The following FRYL variants were observed in gnomAD, a reference collection of about 807,000 sequenced individuals.
FRYL encodes the protein FRY like transcription coactivator, also known as protein furry homolog-like.
Under a neutral mutation model 351.2 loss-of-function variants are expected in FRYL, and 150 were observed. The ratio of observed to expected loss-of-function variants is 0.43; its 90% CI spans 0.37 to 0.49. FRYL has a LOEUF of 0.49. Among genes scored for constraint, FRYL ranks in the 20% least tolerant of loss-of-function variants. The pLI, the probability that FRYL is intolerant of heterozygous loss-of-function variation, is 0.00. For missense variants in FRYL, 3,036 were observed against 3,619.3 expected (o/e 0.84, Z 4.13); for synonymous variants, 1,153 against 1,257.1 (o/e 0.92, Z 1.75).
chr4:48,499,038 G>A lies in FRYL; in HGVS notation c.*384C>T, dbSNP rs1196264761. 1 of 193,794 alleles carries A rather than the reference G, an allele frequency of 5.2e-6. No homozygotes were observed. Among genetic ancestry groups the A allele is most frequent in the Admixed American group, 5.4e-5 (1 of 18,476 alleles). 12.0% of individuals were successfully genotyped at this position (193,794 alleles called of 1,614,324 possible). On this transcript the variant is annotated 3_prime_UTR_variant, in exon 64 of 64. Transcript: ENST00000358350. Reference sequence around the variant, plus strand: ...GCAGGTCTTCAGCTAAAATGAAACAGCCTTGATTTCAGCCTCATTTCACCT... The same window carrying A: ...GCAGGTCTTCAGCTAAAATGAAACAACCTTGATTTCAGCCTCATTTCACCT...
At chr4:48,586,865 A>T in intron 18 of FRYL, 137 bp from the exon 19 acceptor site, 1 of 574,644 alleles carries the variant, frequency 1.7e-6, no homozygotes, top group Non-Finnish European at 3.0e-6. Context: ...AATGCACATA[A>T]ATCCTGTAGA....
At chr4:48,683,536 A>G (rs1395700076) in intron 3 of FRYL, among the ~76,000 whole-genome samples, 1 of 152,174 alleles carries the variant, frequency 6.6e-6, no homozygotes, top group East Asian at 1.9e-4. Context: ...TTTAAAAAGC[A>G]TTCAAGATCC....
At position 48,501,641 on chromosome 4, in the gene FRYL, C is replaced by T. The variant is rs752139296; in HGVS notation, c.8574G>A (p.Thr2858=). 13 of 1,587,318 alleles carry T rather than the reference C, an allele frequency of 8.2e-6. No homozygotes were observed. Among genetic ancestry groups the T allele is most frequent in the East Asian group, 2.2e-5 (1 of 44,614 alleles). The change falls in exon 62 of 64, where the codon ACG becomes ACA. Residue 2858 remains threonine (T), a synonymous_variant. Coordinates refer to ENST00000358350, the MANE Select transcript of FRYL (RefSeq NM_015030.2). ...TATTTACCTCTGCTTCATTTTTTATCGTATTTACTTGGTTGATAAGTTTAC... is the reference window on the plus strand; with the variant it reads ...TATTTACCTCTGCTTCATTTTTTATTGTATTTACTTGGTTGATAAGTTTAC... ...AYCKLINQVN[T]IKNEAEVINM...
chr4:48,525,162 GGTATATAT>G (rs1725783025), intron 53 of FRYL, among the ~76,000 whole-genome samples: 1 of 118,456 alleles, frequency 8.4e-6, no homozygotes, highest in Non-Finnish European at 1.7e-5. Context: ...TATTTTTAAA[GGTATATAT>G]ATATATATAT....
chr4:48,627,558 T>C (rs888697828), intron 4 of FRYL, among the ~76,000 whole-genome samples: 2 of 151,696 alleles, frequency 1.3e-5, no homozygotes, highest in African/African-American at 4.8e-5. Context: ...AAAATGGGGG[T>C]GGGTTGTTTT....
intron 22 of FRYL, 60 bp from the exon 23 acceptor site, chr4:48,579,301 A>G (rs1740351147): frequency 7.2e-7 from 1 of 1,395,408 alleles, no homozygotes; most frequent in Admixed American, 2.2e-5. Context: ...ATTTTACCAT[A>G]TAAATTGCTT....
At chr4:48,667,297 G>T (rs912907375) in intron 3 of FRYL, among the ~76,000 whole-genome samples, 12 of 152,054 alleles carry the variant, frequency 7.9e-5, no homozygotes, top group African/African-American at 2.9e-4. Context: ...ACTAATAAAA[G>T]CAACCACTTC....
At chr4:48,556,478 C>T (rs896396941) in intron 35 of FRYL, among the ~76,000 whole-genome samples, 3 of 152,190 alleles carry the variant, frequency 2.0e-5, no homozygotes, top group African/African-American at 7.2e-5. Context: ...GACAATCCTA[C>T]GTGCACTGAG....
chr4:48,698,554 T>C (rs1159532479), intron 2 of FRYL, among the ~76,000 whole-genome samples: 1 of 152,158 alleles, frequency 6.6e-6, no homozygotes, highest in Non-Finnish European at 1.5e-5. Context: ...CTGGGTGAGA[T>C]TTACACTGAT....
At chr4:48,605,186 C>G (rs1312840296) in intron 11 of FRYL, among the ~76,000 whole-genome samples, 3 of 152,134 alleles carry the variant, frequency 2.0e-5, no homozygotes, top group African/African-American at 7.2e-5. Context: ...TGTGTGTCCC[C>G]ATTTTTAAAA....
At chr4:48,660,386 A>C (rs564752813) in intron 3 of FRYL, among the ~76,000 whole-genome samples, 5 of 152,286 alleles carry the variant, frequency 3.3e-5, no homozygotes, top group African/African-American at 1.2e-4. Flanking sequence ...AGATTTTGGG[A>C]GGGACCCACC....
chr4:48,680,191 C>T (rs1166994147), intron 3 of FRYL, among the ~76,000 whole-genome samples: 1 of 151,808 alleles, frequency 6.6e-6, no homozygotes, highest in African/African-American at 2.4e-5. Context: ...AGAGGGTTTA[C>T]AGAAACTCCC....
At chr4:48,537,539 ACT>A (rs1224531577) in intron 47 of FRYL, among the ~76,000 whole-genome samples, 1 of 152,180 alleles carries the variant, frequency 6.6e-6, no homozygotes, top group Non-Finnish European at 1.5e-5. Flanking sequence ...GCAGAAAATT[ACT>A]CTCTACAGTT....
At chr4:48,554,370 G>A (rs1279370596) in intron 35 of FRYL, among the ~76,000 whole-genome samples, 2 of 149,460 alleles carry the variant, frequency 1.3e-5, no homozygotes, top group African/African-American at 2.5e-5. Flanking sequence ...ACGGAGTCTC[G>A]CTCTGTCGCC....
intron 7 of FRYL, 113 bp downstream of exon 7, chr4:48,619,161 T>C (rs747534849): frequency 5.6e-6 from 4 of 717,170 alleles, no homozygotes; most frequent in Non-Finnish European, 9.6e-6. Context: ...ATTACAGGAA[T>C]TTAATTTATG....
intron 55 of FRYL, among the ~76,000 whole-genome samples, chr4:48,515,933 C>T (rs1229997134): frequency 6.6e-6 from 1 of 152,004 alleles, no homozygotes; most frequent in African/African-American, 2.4e-5. Context: ...GCTTTCATTA[C>T]AGTGGAACAC....
At chr4:48,680,705 T>C (rs1330536894) in intron 3 of FRYL, among the ~76,000 whole-genome samples, 2 of 152,106 alleles carry the variant, frequency 1.3e-5, no homozygotes, top group Non-Finnish European at 2.9e-5. Context: ...AACTATTAAG[T>C]GCATTATAGT....
intron 11 of FRYL, among the ~76,000 whole-genome samples, chr4:48,604,898 C>A (rs1318692346): frequency 6.6e-6 from 1 of 152,000 alleles, no homozygotes; most frequent in Non-Finnish European, 1.5e-5. Context: ...AAACTAAAAC[C>A]TAATCTCAGC....
chr4:48,637,218 TTTCA>T (rs2149381138), intron 3 of FRYL: 1 of 152,244 alleles, frequency 6.6e-6, no homozygotes, highest in East Asian at 1.9e-4. Flanking sequence ...TAATATTTAA[TTTCA>T]TTAATATTCT....
Sources: allele counts gnomAD v4.1 joint callset (sites outside exome capture counted in the v4.1 genomes callset), GRCh38; gene constraint gnomAD v4.1.1; transcripts MANE v1.5; gene names NCBI Gene and HGNC (gene_info 2026-07-23, HGNC 2026-07-21).